Variants in MOCS1 observed in about 807,000 individuals in gnomAD.
MOCS1 encodes molybdenum cofactor synthesis 1.
In MOCS1, 39 loss-of-function variants were observed where a neutral mutation model predicts 57.6. The ratio of observed to expected loss-of-function variants is 0.68; its 90% CI spans 0.52 to 0.88. The LOEUF is 0.88. Ranked by LOEUF, MOCS1 falls within the 40% of genes least tolerant of loss-of-function variation. The pLI, the probability that MOCS1 is intolerant of heterozygous loss-of-function variation, is 0.00. For missense variants in MOCS1, 795 were observed against 831.1 expected (o/e 0.96, Z 0.53); for synonymous variants, 334 against 335.7 (o/e 1.00, Z 0.05).
chr6:39,925,627 G>C (rs2149419101), intron 3 of MOCS1, 51 bp downstream of exon 3: 2 of 1,608,508 alleles, frequency 1.2e-6, no homozygotes, highest in Non-Finnish European at 1.7e-6. Context: ...TCAGTGTCCA[G>C]CCGGATGAGG....
chr6:39,925,199 T>C (rs1287730071), intron 3 of MOCS1, among the ~76,000 whole-genome samples: 1 of 151,480 alleles, frequency 6.6e-6, no homozygotes, highest in Non-Finnish European at 1.5e-5. Context: ...TGTGAGTACA[T>C]GAGGACGCAC....
intron 1 of MOCS1, among the ~76,000 whole-genome samples, chr6:39,928,443 C>T (rs1209095188): frequency 6.6e-6 from 1 of 152,192 alleles, no homozygotes; most frequent in Non-Finnish European, 1.5e-5. Context: ...GGATTACAGG[C>T]ATGAGCCACC....
intron 3 of MOCS1, among the ~76,000 whole-genome samples, chr6:39,921,742 A>T (rs1401064993): frequency 6.6e-6 from 1 of 152,216 alleles, no homozygotes; most frequent in Non-Finnish European, 1.5e-5. Flanking sequence ...GGAAGGAAAG[A>T]AAAAGGAAAG....
chr6:39,926,622 T>C (rs1160024837), intron 2 of MOCS1, among the ~76,000 whole-genome samples: 2 of 146,090 alleles, frequency 1.4e-5, no homozygotes, highest in Non-Finnish European at 3.0e-5. Flanking sequence ...ATATAGTACA[T>C]CTTGTTTGGT....
intron 3 of MOCS1, among the ~76,000 whole-genome samples, chr6:39,919,957 G>A (rs1767874506): frequency 6.6e-6 from 1 of 152,092 alleles, no homozygotes; most frequent in Non-Finnish European, 1.5e-5. Flanking sequence ...AGAAAAAAAC[G>A]CTGATAAATT....
rs537163552 is a variant in MOCS1, at chr6:39,906,467, C to T, written c.1801G>A (p.Ala601Thr). ...TTGCACATGTCATACAGGGTGAGGGCGGCCACTGCAGCAGAGGTCAGGGCC... is the reference window on the plus strand; with the variant it reads ...TTGCACATGTCATACAGGGTGAGGGTGGCCACTGCAGCAGAGGTCAGGGCC... ...MEALTSAAVA[A>T]LTLYDMCKAV... Residue 601 changes from alanine to threonine, a missense_variant, in exon 11 of 11, where the codon GCC becomes ACC. Coordinates refer to ENST00000340692, the MANE Select transcript of MOCS1 (RefSeq NM_001358530.2). The T allele has an allele frequency of 2.7e-5, 44 of 1,613,792 alleles. No individual in the cohort carries two copies. The highest frequency in any genetic ancestry group is 6.7e-5 in the East Asian group (3 of 44,866).
intron 1 of MOCS1, chr6:39,927,670 T>C: frequency 6.4e-7 from 1 of 1,560,604 alleles, no homozygotes; most frequent in South Asian, 1.2e-5. Flanking sequence ...AGTATTCAGC[T>C]TGGGGGTCGG....
At chr6:39,912,819 C>T (rs1348014161) in intron 7 of MOCS1, 73 bp downstream of exon 7, 2 of 1,174,974 alleles carry the variant, frequency 1.7e-6, no homozygotes, top group Non-Finnish European at 2.6e-6. Flanking sequence ...GTGCAGCTCC[C>T]TGCTAGCTCT....
intron 3 of MOCS1, among the ~76,000 whole-genome samples, chr6:39,923,143 G>A (rs1212252274): frequency 6.6e-6 from 1 of 152,200 alleles, no homozygotes; most frequent in Non-Finnish European, 1.5e-5. Flanking sequence ...GAGGCAGGAG[G>A]TAAATCCTCA....
chr6:39,934,269 T>C, intron 1 of MOCS1, 26 bp downstream of exon 1: 1 of 1,529,116 alleles, frequency 6.5e-7, no homozygotes, highest in Non-Finnish European at 8.7e-7. Flanking sequence ...CCCGGGAAGC[T>C]GTGGACGCAG....
At chr6:39,934,234 G>A in intron 1 of MOCS1, 61 bp downstream of exon 1, 2 of 1,473,978 alleles carry the variant, frequency 1.4e-6, no homozygotes, top group South Asian at 2.8e-5. Flanking sequence ...GGGGGAAAAG[G>A]GCAGTGTGCC....
intron 3 of MOCS1, among the ~76,000 whole-genome samples, chr6:39,917,528 C>T (rs1767730726): frequency 6.6e-6 from 1 of 152,166 alleles, no homozygotes. Context: ...TCTCCACAAC[C>T]TTGGAGCAAC....
At chr6:39,929,939 C>CAAAAAAAA (rs397948587) in intron 1 of MOCS1, among the ~76,000 whole-genome samples, 1 of 96,712 alleles carries the variant, frequency 1.0e-5, no homozygotes, top group African/African-American at 4.1e-5. Flanking sequence ...GAGATTCTCT[C>CAAAAAAAA]AAAAAAAAAA....
At chr6:39,921,683 A>ATTTCACAGGAAAT (rs1236936346) in intron 3 of MOCS1, among the ~76,000 whole-genome samples, 9 of 152,206 alleles carry the variant, frequency 5.9e-5, no homozygotes, top group Non-Finnish European at 1.0e-4. Flanking sequence ...GCTATACTCT[A>ATTTCACAGGAAAT]CAAGAAAGGC....
intron 9 of MOCS1, among the ~76,000 whole-genome samples, chr6:39,909,470 C>G (rs1385619273): frequency 1.3e-5 from 2 of 152,040 alleles, no homozygotes. Context: ...CGAGGTCGCT[C>G]AAGGCTGAGC....
chr6:39,929,898 C>T (rs1390581743), intron 1 of MOCS1, among the ~76,000 whole-genome samples: 5 of 142,116 alleles, frequency 3.5e-5, no homozygotes, highest in Non-Finnish European at 5.9e-5. Context: ...GCCAAGATCG[C>T]ACCACTGTAC....
intron 1 of MOCS1, among the ~76,000 whole-genome samples, chr6:39,930,501 G>A (rs1302552924): frequency 6.6e-6 from 1 of 151,950 alleles, no homozygotes; most frequent in East Asian, 1.9e-4. Context: ...AATGTAAGCA[G>A]AAAGGTCGTA....
intron 2 of MOCS1, among the ~76,000 whole-genome samples, chr6:39,926,687 T>C (rs1177878318): frequency 2.2e-4 from 3 of 13,622 alleles, no homozygotes; most frequent in Admixed American, 1.9e-3. Flanking sequence ...AGTAACTTTA[T>C]TTCTTATCGT....
rs2149429492 is a variant in MOCS1, at chr6:39,934,369, TG to T, written c.48del (p.Ser17AlafsTer11). ...LSRMLRRLLRSSARSCSSGAP... is the reference protein window; with the variant it reads ...LSRMLRRLLRXSARSCSSGAP... Reference sequence around the variant, plus strand: ...GCCCCTGAGCTGCAGCTCCGGGCGCTGGACCTCAGAAGCCGCCGCAGCATCC... The same window carrying T: ...GCCCCTGAGCTGCAGCTCCGGGCGCTGACCTCAGAAGCCGCCGCAGCATCC... On this transcript the variant is annotated frameshift_variant, in exon 1 of 11. Transcript: ENST00000340692. LOFTEE classifies it high-confidence loss of function. The T allele has an allele frequency of 1.5e-5, 24 of 1,558,414 alleles. No homozygotes were observed. The highest frequency in any genetic ancestry group is 2.1e-5 in the Non-Finnish European group (24 of 1,156,650).
Sources: allele counts gnomAD v4.1 joint callset (sites outside exome capture counted in the v4.1 genomes callset), GRCh38; gene constraint gnomAD v4.1.1; transcripts MANE v1.5; gene names NCBI Gene and HGNC (gene_info 2026-07-23, HGNC 2026-07-21).